The following TANC2 variants were observed in gnomAD, a reference collection of about 807,000 sequenced individuals.
TANC2 encodes tetratricopeptide repeat, ankyrin repeat and coiled-coil containing 2.
A neutral mutation model predicts 210.5 loss-of-function variants in TANC2; 26 were observed. The observed-to-expected ratio is 0.12, with a 90% CI of 0.09 to 0.17. The LOEUF is 0.17. TANC2 is among the 10% of genes least tolerant of loss of function. TANC2 has a pLI of 1.00. For synonymous variants in TANC2, 931 were observed against 967.1 expected, an observed-to-expected ratio of 0.96 and a Z score of 0.69; for missense variants, 2,129 against 2,608.9, an observed-to-expected ratio of 0.82 and a Z score of 4.01.
At chr17:63,167,133 G>A (rs977292370) in intron 5 of TANC2, among the ~76,000 whole-genome samples, 6 of 152,098 alleles carry the variant, frequency 3.9e-5, no homozygotes, top group African/African-American at 9.7e-5. Flanking sequence ...TTGGTTAATG[G>A]TTAGAAACTA....
intron 1 of TANC2, among the ~76,000 whole-genome samples, chr17:62,998,805 T>TA (rs1402321481): frequency 1.3e-5 from 2 of 152,106 alleles, no homozygotes; most frequent in African/African-American, 2.4e-5. Context: ...AAAACACACT[T>TA]AAGTACATAG....
At chr17:62,995,619 T>C (rs1205261176) in intron 1 of TANC2, among the ~76,000 whole-genome samples, 3 of 152,198 alleles carry the variant, frequency 2.0e-5, no homozygotes, top group Admixed American at 1.3e-4. Flanking sequence ...TGAGGATTCA[T>C]AATTGAAGCA....
At chr17:63,058,304 T>C (rs2035876951) in intron 2 of TANC2, among the ~76,000 whole-genome samples, 2 of 152,254 alleles carry the variant, frequency 1.3e-5, no homozygotes, top group Non-Finnish European at 2.9e-5. Context: ...AAGTTTCTTA[T>C]ACATGCCGGA....
At chr17:63,187,173 A>C (rs1021036588) in intron 5 of TANC2, among the ~76,000 whole-genome samples, 1 of 152,192 alleles carries the variant, frequency 6.6e-6, no homozygotes, top group African/African-American at 2.4e-5. Context: ...GATGCCTGGC[A>C]ATATGGTGAG....
At chr17:63,286,738 C>G (rs188933494) in intron 9 of TANC2, among the ~76,000 whole-genome samples, 1 of 152,298 alleles carries the variant, frequency 6.6e-6, no homozygotes, top group Admixed American at 6.5e-5. Flanking sequence ...CTATATTTGT[C>G]CACTTGGAGT....
intron 14 of TANC2, among the ~76,000 whole-genome samples, chr17:63,363,742 A>G (rs2047031167): frequency 6.6e-6 from 1 of 152,184 alleles, no homozygotes; most frequent in East Asian, 1.9e-4. Context: ...TACCAGTACC[A>G]TGCCGTTTGG....
rs1051559391 is a variant in TANC2, at chr17:63,393,756, G to GTATTAT, written c.3052-1970_3052-1965dup. Among the ~76,000 whole-genome samples the GTATTAT allele has an allele frequency of 4.0e-5, 6 of 148,334 alleles. No homozygotes were observed. The East Asian group carries it at 7.8e-4, about 19-fold the overall frequency. ...CCATCAGTGATTCTTGCTGCAGTAAGTATTATTATTATTATTATTATTTTT... is the reference window on the plus strand; with the variant it reads ...CCATCAGTGATTCTTGCTGCAGTAAGTATTATTATTATTATTATTATTATTATTTTT... On this transcript the variant is annotated intron_variant, in intron 17 of 27. Coordinates refer to ENST00000689528, the Ensembl canonical transcript of TANC2.
intron 4 of TANC2, among the ~76,000 whole-genome samples, chr17:63,121,788 T>A (rs1394924045): frequency 2.0e-5 from 3 of 152,102 alleles, no homozygotes; most frequent in Non-Finnish European, 4.4e-5. Context: ...CGGGTCTGGG[T>A]ATCATTTTAA....
At chr17:63,408,359 T>G (rs2048584512) in intron 21 of TANC2, among the ~76,000 whole-genome samples, 1 of 152,206 alleles carries the variant, frequency 6.6e-6, no homozygotes. Flanking sequence ...AGAGGAAGAT[T>G]ACAAATTGGA....
chr17:63,340,436 A>G (rs1200109497), intron 12 of TANC2, 104 bp downstream of exon 12: 1 of 918,896 alleles, frequency 1.1e-6, no homozygotes, highest in Admixed American at 2.6e-5. Flanking sequence ...CCAAAACTAA[A>G]TGTTCCATAG....
At chr17:63,100,953 GTTTAA>G (rs1448644798) in intron 4 of TANC2, among the ~76,000 whole-genome samples, 2 of 152,096 alleles carry the variant, frequency 1.3e-5, no homozygotes, top group East Asian at 1.9e-4. Context: ...ATTTCTCATA[GTTTAA>G]TTTACTGAAG....
chr17:63,399,968 AT>A (rs2048292842), intron 19 of TANC2, among the ~76,000 whole-genome samples: 1 of 152,232 alleles, frequency 6.6e-6, no homozygotes, highest in African/African-American at 2.4e-5. Flanking sequence ...TCCATGACAG[AT>A]TAAAGGAAAG....
At chr17:63,124,355 C>T (rs779975923) in intron 4 of TANC2, among the ~76,000 whole-genome samples, 3 of 151,962 alleles carry the variant, frequency 2.0e-5, no homozygotes, top group Non-Finnish European at 4.4e-5. Flanking sequence ...TTGAAGGAAC[C>T]AAGATGGTGT....
chr17:63,246,503 A>G (rs773120972), intron 8 of TANC2, among the ~76,000 whole-genome samples: 11 of 152,214 alleles, frequency 7.2e-5, no homozygotes, highest in Non-Finnish European at 1.3e-4. Context: ...TTCCCAGGCA[A>G]CCACTAATTG....
intron 8 of TANC2, among the ~76,000 whole-genome samples, chr17:63,246,009 CAAAA>C (rs35616542): frequency 7.3e-6 from 1 of 137,220 alleles, no homozygotes; most frequent in Non-Finnish European, 1.6e-5. Context: ...GACGCTGTCT[CAAAA>C]AAAAAAAAAA....
At chr17:63,086,057 C>T (rs1368023666) in intron 3 of TANC2, among the ~76,000 whole-genome samples, 2 of 151,542 alleles carry the variant, frequency 1.3e-5, no homozygotes, top group Admixed American at 6.6e-5. Flanking sequence ...TTATTTCATT[C>T]TATCTTTTCT....
intron 14 of TANC2, among the ~76,000 whole-genome samples, chr17:63,364,154 G>A (rs1176694645): frequency 2.0e-5 from 3 of 152,194 alleles, no homozygotes; most frequent in Non-Finnish European, 4.4e-5. Context: ...TTTGTGATAT[G>A]ACAAACGGGA....
chr17:63,061,661 GT>G (rs930918475), intron 2 of TANC2, among the ~76,000 whole-genome samples: 12 of 150,310 alleles, frequency 8.0e-5, no homozygotes, highest in African/African-American at 2.2e-4. Flanking sequence ...TACATGCAGG[GT>G]TTTTTTTTCT....
chr17:63,386,620 A>G (rs1021847540), intron 15 of TANC2, among the ~76,000 whole-genome samples: 3 of 152,202 alleles, frequency 2.0e-5, no homozygotes. Context: ...TTAATAAAGT[A>G]AATTTTACGT....
Sources: allele counts gnomAD v4.1 joint callset (sites outside exome capture counted in the v4.1 genomes callset), GRCh38; gene constraint gnomAD v4.1.1; transcripts MANE v1.5; gene names NCBI Gene and HGNC (gene_info 2026-07-23, HGNC 2026-07-21).